ANKRD30A: variants seen among roughly 807,000 people sequenced by gnomAD.
The protein encoded by ANKRD30A is ankyrin repeat domain 30A, also known as ankyrin repeat domain-containing protein 30A.
ANKRD30A carries 170 observed loss-of-function variants against 166.3 expected under a neutral mutation model. That is an observed-to-expected ratio of 1.02 (90% CI 0.90 to 1.16). The LOEUF is 1.16. Among genes scored for constraint, ANKRD30A ranks in the 50% most tolerant of loss-of-function variants. ANKRD30A has a pLI of 0.00. For synonymous variants in ANKRD30A, 564 were observed against 508.9 expected (o/e 1.11, Z -1.46); for missense variants, 1,630 against 1,518.0 (o/e 1.07, Z -1.23).
At chr10:37,159,909 T>G (rs1838718643) in intron 15 of ANKRD30A, among the ~76,000 whole-genome samples, 1 of 152,172 alleles carries the variant, frequency 6.6e-6, no homozygotes. Context: ...TTAGCCAGGA[T>G]GGTCTGATCC....
chr10:37,148,249 A>G (rs533936884), intron 9 of ANKRD30A, among the ~76,000 whole-genome samples: 48 of 152,210 alleles, frequency 3.2e-4, no homozygotes, highest in South Asian at 8.3e-4. Flanking sequence ...AAGAAGAGCA[A>G]TTGGATAAAA....
intron 7 of ANKRD30A, among the ~76,000 whole-genome samples, chr10:37,142,525 A>G (rs968191346): frequency 2.7e-5 from 4 of 150,114 alleles, no homozygotes; most frequent in Non-Finnish European, 5.9e-5. Context: ...CTAAAACCAT[A>G]GGAACCAAAG....
At chr10:37,262,167 C>T in the ANKRD30A span, among the ~76,000 whole-genome samples, 2 of 152,134 alleles carry the variant, frequency 1.3e-5, no homozygotes, top group African/African-American at 4.8e-5. Context: ...CTTCAAATGA[C>T]CATTTCACAT....
At chr10:37,197,680 T>A (rs1223843703) in intron 29 of ANKRD30A, among the ~76,000 whole-genome samples, 200 bp downstream of exon 29, 1 of 152,182 alleles carries the variant, frequency 6.6e-6, no homozygotes, top group Non-Finnish European at 1.5e-5. Flanking sequence ...AAATGTAGCC[T>A]TAATCTCAGA....
chr10:37,219,387 T>G lies in ANKRD30A; in HGVS notation c.3675T>G (p.Ile1225Met), dbSNP rs1242624746. Residue 1225 changes from isoleucine (I) to methionine (M), a missense_variant, in exon 34 of 36, where the codon ATT (isoleucine) becomes ATG (methionine). Physicochemically the swap from Ile to Met is conservative, Grantham distance 10. Transcript: ENST00000361713. The part of the protein sequence containing the change: ...SRKSQEPAFH[I>M]AGDACLQRKM... ...AAAGTCAAGAACCTGCTTTCCACAT[T>G]GCAGGAGATGCTTGTTTGCAAAGAA... 1.9e-6 allele frequency: 3 copies of G among 1,610,470 alleles called. No individual in the cohort carries two copies. The African/African-American group carries it at 4.0e-5, about 22-fold the overall frequency.
chr10:37,132,193 A>G (rs368409194), intron 3 of ANKRD30A, 47 bp from the exon 4 acceptor site: 3 of 1,348,308 alleles, frequency 2.2e-6, no homozygotes, highest in African/African-American at 2.9e-5. Context: ...AGTTCAGCTG[A>G]GAAATATGTA....
intron 32 of ANKRD30A, 109 bp downstream of exon 32, chr10:37,216,503 A>G (rs1842616882): frequency 9.3e-7 from 1 of 1,077,784 alleles, no homozygotes; most frequent in African/African-American, 1.6e-5. Context: ...GGAGAAAAAA[A>G]TGTCTGTCTT....
chr10:37,165,275 T>A, intron 18 of ANKRD30A, 120 bp downstream of exon 18: 5 of 939,014 alleles, frequency 5.3e-6, no homozygotes, highest in Non-Finnish European at 8.1e-6. Context: ...ATTTTTGATG[T>A]TTTTCAGTAT....
intron 31 of ANKRD30A, among the ~76,000 whole-genome samples, chr10:37,212,045 AG>A (rs1842354750): frequency 6.6e-6 from 1 of 151,950 alleles, no homozygotes; most frequent in South Asian, 2.1e-4. Context: ...AAGGAAATAA[AG>A]GGTATTCAAT....
chr10:37,213,278 T>G (rs562905381), intron 31 of ANKRD30A, among the ~76,000 whole-genome samples: 7 of 151,970 alleles, frequency 4.6e-5, no homozygotes, highest in Non-Finnish European at 8.8e-5. Context: ...TAGGTACCAC[T>G]TCATGATTCA....
the ANKRD30A span, among the ~76,000 whole-genome samples, chr10:37,247,881 CAAAA>C: frequency 1.3e-4 from 7 of 53,184 alleles, no homozygotes; most frequent in Non-Finnish European, 3.9e-5. Context: ...GACTCCATCT[CAAAA>C]AAAAAAAAAA....
intron 34 of ANKRD30A, among the ~76,000 whole-genome samples, chr10:37,226,355 G>A (rs142882730): frequency 0.067 from 9,970 of 147,728 alleles, 412 homozygotes; most frequent in Middle Eastern, 0.11. Flanking sequence ...GAGAACATGC[G>A]GCGTTTGGTT....
intron 5 of ANKRD30A, among the ~76,000 whole-genome samples, chr10:37,136,071 C>T (rs745929151): frequency 1.2e-4 from 18 of 152,124 alleles, no homozygotes; most frequent in South Asian, 8.3e-4. Context: ...GCATCACAGG[C>T]GTCAGGCACT....
chr10:37,225,654 A>G (rs1843113161), intron 34 of ANKRD30A, among the ~76,000 whole-genome samples: 1 of 151,758 alleles, frequency 6.6e-6, no homozygotes, highest in Non-Finnish European at 1.5e-5. Context: ...TTCTAATGGA[A>G]AGAATACATT....
downstream of ANKRD30A, among the ~76,000 whole-genome samples, chr10:37,233,551 G>T (rs11011075): frequency 9.9e-5 from 15 of 152,042 alleles, no homozygotes; most frequent in African/African-American, 3.6e-4. Context: ...TAGTATTTCC[G>T]GATATGTTGA....
the ANKRD30A span, among the ~76,000 whole-genome samples, chr10:37,250,191 T>C: frequency 2.6e-5 from 4 of 152,172 alleles, no homozygotes; most frequent in Non-Finnish European, 5.9e-5. Context: ...ACCAATGTGA[T>C]GAGTCCTGGG....
chr10:37,128,063 T>C (rs2132502068), intron 1 of ANKRD30A, among the ~76,000 whole-genome samples: 1 of 152,194 alleles, frequency 6.6e-6, no homozygotes, highest in South Asian at 2.1e-4. Context: ...AAGGTAGAAA[T>C]ATATACAGAA....
At chr10:37,130,810 T>C (rs191377088) in intron 3 of ANKRD30A, among the ~76,000 whole-genome samples, 65 of 152,324 alleles carry the variant, frequency 4.3e-4, no homozygotes, top group Non-Finnish European at 6.6e-4. Flanking sequence ...GAAGACATTC[T>C]AGCTTTACAC....
chr10:37,161,916 T>C (rs1009393863), intron 15 of ANKRD30A, among the ~76,000 whole-genome samples: 2 of 152,188 alleles, frequency 1.3e-5, no homozygotes, highest in African/African-American at 4.8e-5. Flanking sequence ...TAAGATTGCT[T>C]TTTAAGATAA....
Sources: gnomAD v4.1 joint callset for allele counts (sites outside exome capture counted in the v4.1 genomes callset) on GRCh38, gnomAD v4.1.1 for gene constraint, MANE v1.5 for transcripts, NCBI Gene and HGNC (gene_info 2026-07-23, HGNC 2026-07-21) for gene names.